Variants in PCOLCE2 observed in about 807,000 individuals in gnomAD.
PCOLCE2 encodes the protein procollagen C-proteinase enhancer 2.
In PCOLCE2, 42 loss-of-function variants were observed where a neutral mutation model predicts 47.0. The ratio of observed to expected loss-of-function variants is 0.89; its 90% CI spans 0.70 to 1.16. PCOLCE2 has a LOEUF of 1.16. Among genes scored for constraint, PCOLCE2 ranks in the 50% most tolerant of loss-of-function variants. The probability of loss-of-function intolerance (pLI) is 0.00; values close to 1 mark genes in which losing one functional copy is unlikely to be tolerated. For synonymous variants in PCOLCE2, 169 were observed against 191.7 expected (o/e 0.88, Z 0.98); for missense variants, 500 against 526.1 (o/e 0.95, Z 0.49).
chr3:142,849,511 G>C (rs1182739291), intron 2 of PCOLCE2, among the ~76,000 whole-genome samples: 1 of 152,112 alleles, frequency 6.6e-6, no homozygotes, highest in Non-Finnish European at 1.5e-5. Flanking sequence ...AATTCTTAAT[G>C]ATGGTTCCTT....
At chr3:142,834,634 G>T (rs944780678) in intron 5 of PCOLCE2, among the ~76,000 whole-genome samples, 2 of 152,114 alleles carry the variant, frequency 1.3e-5, no homozygotes, top group Non-Finnish European at 2.9e-5. Context: ...GAGGTATAAG[G>T]TTAAATTAAT....
In PCOLCE2 at chr3:142,844,030, A is replaced by T. The variant is rs77563936; in HGVS notation, c.449-982T>A. Among the ~76,000 whole-genome samples the T allele has an allele frequency of 3.4e-3, 511 of 152,260 alleles. 4 individuals carry two copies. The highest frequency in any genetic ancestry group is 0.012 in the African/African-American group (496 of 41,544). ...GTCATCATTCTATTATTCTATCTAT[A>T]TTGCCACCCAATCCCCACGACCTGC... On this transcript the variant is annotated intron_variant, in intron 3 of 8. Transcript: ENST00000295992.
chr3:142,823,326 T>A (rs1006341338), intron 7 of PCOLCE2, among the ~76,000 whole-genome samples: 7 of 152,198 alleles, frequency 4.6e-5, no homozygotes, highest in Admixed American at 6.5e-5. Context: ...TAAGCTTATA[T>A]GAAAAAAGTA....
intron 2 of PCOLCE2, among the ~76,000 whole-genome samples, chr3:142,857,182 C>A (rs1357405804): frequency 6.6e-6 from 1 of 152,204 alleles, no homozygotes; most frequent in Non-Finnish European, 1.5e-5. Context: ...TGGCATCAAC[C>A]ACAGCACTGG....
At chr3:142,822,345 T>C (rs1382622400) in intron 7 of PCOLCE2, among the ~76,000 whole-genome samples, 6 of 152,016 alleles carry the variant, frequency 3.9e-5, no homozygotes, top group Non-Finnish European at 8.8e-5. Flanking sequence ...TCAGCCCTGG[T>C]TGAGAACCAG....
At position 142,872,252 on chromosome 3, in the gene PCOLCE2, A is replaced by G. The variant is rs146519044; in HGVS notation, c.192+15417T>C. 2.2e-3 allele frequency among the ~76,000 whole-genome samples: 342 copies of G among 152,254 alleles called. 1 individual carries two copies. The highest frequency in any genetic ancestry group is 7.9e-3 in the African/African-American group (330 of 41,538). On this transcript the variant is annotated intron_variant, in intron 2 of 8. Transcript: ENST00000295992. ...TCTGTGTTACTGTACTATCCTTTGT[A>G]GCTTGCCTACTCTTCCTGGATAGTC...
At chr3:142,845,428 AGAG>A (rs933694740) in intron 3 of PCOLCE2, among the ~76,000 whole-genome samples, 1 of 152,242 alleles carries the variant, frequency 6.6e-6, no homozygotes, top group African/African-American at 2.4e-5. Context: ...AAAGAAATTA[AGAG>A]AAGAAAAGAA....
chr3:142,860,128 GCCCTCTTCCTGCCCCTGACAGCCACTCC>G (rs1192496383), intron 2 of PCOLCE2, among the ~76,000 whole-genome samples: 1 of 152,170 alleles, frequency 6.6e-6, no homozygotes, highest in African/African-American at 2.4e-5. Flanking sequence ...ATAAGTCCTT[GCCCTCTTCCTGCCCCTGACAGCCACTCC>G]TCAGAAGCAA....
At chr3:142,862,517 G>C (rs1376362232) in intron 2 of PCOLCE2, among the ~76,000 whole-genome samples, 2 of 152,072 alleles carry the variant, frequency 1.3e-5, no homozygotes, top group Admixed American at 6.6e-5. Flanking sequence ...AATTTTGGTG[G>C]GAAGAGAAAT....
chr3:142,884,551 A>G (rs1933686202), intron 2 of PCOLCE2, among the ~76,000 whole-genome samples: 1 of 152,240 alleles, frequency 6.6e-6, no homozygotes, highest in African/African-American at 2.4e-5. Context: ...CTATTTCTTA[A>G]CACCCAAATT....
intron 2 of PCOLCE2, among the ~76,000 whole-genome samples, chr3:142,859,158 G>A (rs1933130845): frequency 6.6e-6 from 1 of 151,864 alleles, no homozygotes; most frequent in Non-Finnish European, 1.5e-5. Context: ...CTCCTCCTGG[G>A]TTCAAATGAT....
chr3:142,888,904 T>C lies in PCOLCE2; in HGVS notation c.-8A>G, dbSNP rs1386283741. 1.4e-6 allele frequency: 2 copies of C among 1,465,550 alleles called. No homozygotes were observed. The highest frequency in any genetic ancestry group is 1.4e-5 in the South Asian group (1 of 71,022). The allele number at this position is 1,465,550 out of a possible 1,614,324, so 90.8% of individuals were successfully genotyped here. On this transcript the variant is annotated 5_prime_UTR_variant, in exon 1 of 9. Coordinates refer to ENST00000295992, the MANE Select transcript of PCOLCE2 (RefSeq NM_013363.4). ...GGCGTTCGCGCCCCTCATGGCAGCG[T>C]AGACGCTCGGGGTTTGCACCCCACG...
At chr3:142,888,638 G>A (rs1367446023) in intron 1 of PCOLCE2, 176 bp downstream of exon 1, 27 of 443,402 alleles carry the variant, frequency 6.1e-5, no homozygotes, top group Non-Finnish European at 4.1e-6. Flanking sequence ...GATGGGTCCC[G>A]AAGTCCCGGG....
chr3:142,871,860 A>G (rs1269106458), intron 2 of PCOLCE2, among the ~76,000 whole-genome samples: 2 of 152,184 alleles, frequency 1.3e-5, no homozygotes, highest in African/African-American at 4.8e-5. Context: ...ATATTTTTAT[A>G]TACATATACA....
intron 3 of PCOLCE2, among the ~76,000 whole-genome samples, chr3:142,845,414 A>C (rs913150399): frequency 6.6e-6 from 1 of 152,246 alleles, no homozygotes; most frequent in African/African-American, 2.4e-5. Context: ...GAACAGATAC[A>C]TGTAAAGAAA....
intron 8 of PCOLCE2, among the ~76,000 whole-genome samples, chr3:142,819,747 G>A (rs949606148): frequency 6.6e-6 from 1 of 152,106 alleles, no homozygotes; most frequent in African/African-American, 2.4e-5. Flanking sequence ...TTAGGTTCAA[G>A]GCATCCTCTT....
chr3:142,860,067 G>A (rs1030535619), intron 2 of PCOLCE2, among the ~76,000 whole-genome samples: 4 of 152,158 alleles, frequency 2.6e-5, no homozygotes, highest in Admixed American at 6.5e-5. Flanking sequence ...AAAAGTATGT[G>A]CATAGTTTAC....
intron 2 of PCOLCE2, among the ~76,000 whole-genome samples, chr3:142,851,671 T>C (rs900367188): frequency 2.6e-5 from 4 of 152,072 alleles, no homozygotes; most frequent in Admixed American, 6.5e-5. Flanking sequence ...CATATAGATA[T>C]TGAAATTACA....
At chr3:142,846,189 AT>A (rs1937326711) in intron 3 of PCOLCE2, among the ~76,000 whole-genome samples, 1 of 151,002 alleles carries the variant, frequency 6.6e-6, no homozygotes, top group Non-Finnish European at 1.5e-5. Context: ...TCTTGACTCT[AT>A]TTTTCTTATT....
Sources: gnomAD v4.1 joint callset for allele counts (sites outside exome capture counted in the v4.1 genomes callset) on GRCh38, gnomAD v4.1.1 for gene constraint, MANE v1.5 for transcripts, NCBI Gene and HGNC (gene_info 2026-07-23, HGNC 2026-07-21) for gene names.